Variants in PCED1B observed in about 807,000 individuals in gnomAD.
PCED1B encodes the protein PC-esterase domain containing 1B.
For synonymous variants in PCED1B, 251 were observed against 246.1 expected (o/e 1.02, Z -0.19); for missense variants, 573 against 573.9 (o/e 1.00, Z 0.02).
chr12:47,190,001 C>G (rs535228707), intron 2 of PCED1B, among the ~76,000 whole-genome samples: 1 of 152,302 alleles, frequency 6.6e-6, no homozygotes, highest in East Asian at 1.9e-4. Flanking sequence ...AGACCCTCCT[C>G]TATGCACTGT....
intron 2 of PCED1B, among the ~76,000 whole-genome samples, chr12:47,156,731 T>C (rs999707620): frequency 3.3e-5 from 5 of 152,030 alleles, no homozygotes; most frequent in African/African-American, 1.2e-4. Context: ...CCGATAACAC[T>C]CTGTATTTAC....
intron 2 of PCED1B, among the ~76,000 whole-genome samples, chr12:47,110,862 TTGATG>T (rs1939163369): frequency 1.3e-5 from 2 of 152,192 alleles, no homozygotes; most frequent in South Asian, 4.1e-4. Flanking sequence ...AACGTGAAGT[TTGATG>T]TCCCGCATCA....
At chr12:47,156,327 A>G (rs991259693) in intron 2 of PCED1B, among the ~76,000 whole-genome samples, 1 of 152,126 alleles carries the variant, frequency 6.6e-6, no homozygotes, top group African/African-American at 2.4e-5. Context: ...TAATCAGTCA[A>G]ACAGGAACAG....
At chr12:47,127,881 A>G (rs1291808729) in intron 2 of PCED1B, among the ~76,000 whole-genome samples, 1 of 152,148 alleles carries the variant, frequency 6.6e-6, no homozygotes, top group Non-Finnish European at 1.5e-5. Context: ...AGTGTTGTTC[A>G]AGTCTTCGAT....
intron 2 of PCED1B, chr12:47,210,896 T>C (rs894988652): frequency 6.6e-6 from 1 of 152,150 alleles, no homozygotes; most frequent in African/African-American, 2.4e-5. Context: ...AAGTGATAAT[T>C]GGGAAAAATA....
At chr12:47,151,377 G>T (rs187452444) in intron 2 of PCED1B, among the ~76,000 whole-genome samples, 1 of 152,134 alleles carries the variant, frequency 6.6e-6, no homozygotes, top group Admixed American at 6.6e-5. Context: ...GGAGCAAAAG[G>T]CTATACCATA....
rs542479561 is a variant in PCED1B at position 47,218,663 on chromosome 12, T to C, written c.-58+1974T>C. Among the ~76,000 whole-genome samples, 15 of 151,008 alleles carry C rather than the reference T, an allele frequency of 9.9e-5. No individual in the cohort carries two copies. The East Asian group carries it at 2.5e-3, about 25-fold the overall frequency. On this transcript the variant is annotated intron_variant, in intron 3 of 3. Coordinates refer to ENST00000546455, the MANE Select transcript of PCED1B (RefSeq NM_138371.3). ...CACCACATCCTGATCATTTTTAATT[T>C]TTTTTCTTTTTTTTTTTTTTTTTTA...
intron 3 of PCED1B, among the ~76,000 whole-genome samples, chr12:47,228,892 C>T (rs73295559): frequency 0.012 from 1,876 of 150,274 alleles, 41 homozygotes; most frequent in African/African-American, 0.043. Context: ...AAAGTTACCT[C>T]ATGAAGAGGT....
intron 1 of PCED1B, among the ~76,000 whole-genome samples, chr12:47,082,133 C>G (rs1351420222): frequency 6.6e-6 from 1 of 152,188 alleles, no homozygotes; most frequent in Non-Finnish European, 1.5e-5. Flanking sequence ...ACATTTTTAT[C>G]TTTCTAGCAT....
intron 2 of PCED1B, among the ~76,000 whole-genome samples, chr12:47,181,526 G>C (rs1483965574): frequency 6.6e-6 from 1 of 151,724 alleles, no homozygotes; most frequent in African/African-American, 2.4e-5. Flanking sequence ...ACCATGCCTG[G>C]CTAATTTTCT....
chr12:47,221,652 A>G (rs1185554010), intron 3 of PCED1B, among the ~76,000 whole-genome samples: 1 of 152,240 alleles, frequency 6.6e-6, no homozygotes, highest in Non-Finnish European at 1.5e-5. Context: ...AAAATTATAC[A>G]GCAGCTCTCT....
At chr12:47,205,844 C>T (rs1942895019) in intron 2 of PCED1B, 2 of 152,162 alleles carry the variant, frequency 1.3e-5, no homozygotes, top group African/African-American at 4.8e-5. Context: ...AGAGCCAATT[C>T]ACCAAAATAA....
intron 2 of PCED1B, among the ~76,000 whole-genome samples, chr12:47,128,242 T>C (rs1232826704): frequency 6.6e-6 from 1 of 152,200 alleles, no homozygotes; most frequent in Non-Finnish European, 1.5e-5. Flanking sequence ...CTTAACTTTT[T>C]TTTTCAGTTG....
At chr12:47,163,135 A>AT (rs1057087462) in intron 2 of PCED1B, among the ~76,000 whole-genome samples, 21 of 151,722 alleles carry the variant, frequency 1.4e-4, no homozygotes, top group Admixed American at 6.6e-5. Flanking sequence ...CAATATTTAC[A>AT]TTTTTTCTCA....
chr12:47,132,041 C>T (rs1331547795), intron 2 of PCED1B, among the ~76,000 whole-genome samples: 2 of 152,104 alleles, frequency 1.3e-5, no homozygotes, highest in Non-Finnish European at 2.9e-5. Flanking sequence ...GATGACCTGG[C>T]CAGTAATGAA....
At chr12:47,093,696 A>G (rs955476889) in intron 1 of PCED1B, among the ~76,000 whole-genome samples, 4 of 151,780 alleles carry the variant, frequency 2.6e-5, no homozygotes, top group African/African-American at 9.7e-5. Context: ...CCCATGGATT[A>G]TTTAGAGTAT....
At chr12:47,080,337 G>GTC (rs1458359324) in intron 1 of PCED1B, among the ~76,000 whole-genome samples, 2 of 152,176 alleles carry the variant, frequency 1.3e-5, no homozygotes. Flanking sequence ...CACAGGTCAC[G>GTC]TCTCTCTCCC....
chr12:47,210,178 G>C (rs774165228), intron 2 of PCED1B: 11 of 152,178 alleles, frequency 7.2e-5, no homozygotes, highest in African/African-American at 9.7e-5. Context: ...CAGAAACAAA[G>C]ACATTTCTTT....
chr12:47,104,974 C>G (rs11834664), intron 2 of PCED1B, among the ~76,000 whole-genome samples: 64,555 of 152,094 alleles, frequency 0.42, 14,255 homozygotes, highest in Admixed American at 0.59. Flanking sequence ...ACTCTGACTT[C>G]TGTCTCATCT....
Sources: gnomAD v4.1 joint callset for allele counts (sites outside exome capture counted in the v4.1 genomes callset) on GRCh38, gnomAD v4.1.1 for gene constraint, MANE v1.5 for transcripts, NCBI Gene and HGNC (gene_info 2026-07-23, HGNC 2026-07-21) for gene names.